Variants in PDZRN3 observed in about 807,000 individuals in gnomAD.
The protein encoded by PDZRN3 is E3 ubiquitin-protein ligase PDZRN3.
A neutral mutation model predicts 85.7 loss-of-function variants in PDZRN3; 38 were observed. The observed-to-expected ratio is 0.44, with a 90% confidence interval of 0.34 to 0.58. PDZRN3 has a LOEUF of 0.58. PDZRN3 is among the 20% of genes least tolerant of loss of function. The pLI, the probability that PDZRN3 is intolerant of heterozygous loss-of-function variation, is 0.01. For synonymous variants in PDZRN3, 759 were observed against 638.0 expected, an observed-to-expected ratio of 1.19 and a Z score of -2.86; for missense variants, 1,629 against 1,506.4, an observed-to-expected ratio of 1.08 and a Z score of -1.35.
At chr3:73,542,282 C>T (rs1022750174) in intron 3 of PDZRN3, among the ~76,000 whole-genome samples, 1 of 152,138 alleles carries the variant, frequency 6.6e-6, no homozygotes, top group Non-Finnish European at 1.5e-5. Flanking sequence ...GTAACCAGCA[C>T]CTGGGCAAGA....
intron 3 of PDZRN3, among the ~76,000 whole-genome samples, chr3:73,581,502 T>C (rs892861696): frequency 1.3e-5 from 2 of 152,228 alleles, no homozygotes; most frequent in African/African-American, 4.8e-5. Flanking sequence ...TTAAAAACTG[T>C]ATGAGTGTAT....
Position 73,431,881 on chromosome 3 carries a change from G to C in PDZRN3, c.919-27486C>G, listed in dbSNP as rs555779794. On this transcript the variant is annotated intron_variant, in intron 3 of 9. Transcript: ENST00000263666. ...GTGTGTTTGGGGGTGGGGCTGGGGGGACTGAGCACAAATGATACAGAAGAA... is the reference window on the plus strand; with the variant it reads ...GTGTGTTTGGGGGTGGGGCTGGGGGCACTGAGCACAAATGATACAGAAGAA... Among the ~76,000 whole-genome samples the C allele has an allele frequency of 8.5e-5, 13 of 152,052 alleles. No individual in the cohort carries two copies. In the South Asian group the frequency reaches 2.7e-3, roughly 32 times the overall value.
At position 73,468,407 on chromosome 3, in the gene PDZRN3, T is replaced by C. The variant is rs114097266; in HGVS notation, c.919-64012A>G. 2.6e-3 allele frequency among the ~76,000 whole-genome samples: 390 copies of C among 152,258 alleles called. 1 individual carries two copies. The highest frequency in any genetic ancestry group is 8.8e-3 in the African/African-American group (365 of 41,556). On this transcript the variant is annotated intron_variant, in intron 3 of 9. Coordinates refer to ENST00000263666, the MANE Select transcript of PDZRN3 (RefSeq NM_015009.3). ...AAATTTGTGTTGTTTTAAGCACCTT[T>C]TCCCCCCTCTCCATGCCCCAAATAC...
chr3:73,542,803 T>A (rs191678930), intron 3 of PDZRN3, among the ~76,000 whole-genome samples: 2 of 151,526 alleles, frequency 1.3e-5, no homozygotes, highest in Non-Finnish European at 2.9e-5. Flanking sequence ...AAAATAAAAA[T>A]AAAAAAGACT....
At chr3:73,616,694 A>C (rs1017328076) in intron 1 of PDZRN3, among the ~76,000 whole-genome samples, 3 of 152,222 alleles carry the variant, frequency 2.0e-5, no homozygotes, top group African/African-American at 7.2e-5. Context: ...ATTTGAAAAA[A>C]TGTTAAAATC....
chr3:73,449,661 G>A (rs940726454), intron 3 of PDZRN3, among the ~76,000 whole-genome samples: 1 of 152,152 alleles, frequency 6.6e-6, no homozygotes, highest in Admixed American at 6.5e-5. Flanking sequence ...ATATAATCAA[G>A]CTTTTAATTT....
At chr3:73,436,061 C>T (rs976323887) in intron 3 of PDZRN3, among the ~76,000 whole-genome samples, 6 of 152,168 alleles carry the variant, frequency 3.9e-5, no homozygotes, top group African/African-American at 1.4e-4. Flanking sequence ...CCTTCCAACC[C>T]CCATCCCCAT....
chr3:73,585,002 T>C (rs1017788504), intron 3 of PDZRN3, among the ~76,000 whole-genome samples: 1 of 152,216 alleles, frequency 6.6e-6, no homozygotes, highest in Non-Finnish European at 1.5e-5. Flanking sequence ...CAAAATAAAC[T>C]ATTTTAATGT....
chr3:73,398,933 TAGAA>T (rs1359740869), intron 5 of PDZRN3, among the ~76,000 whole-genome samples: 1 of 152,068 alleles, frequency 6.6e-6, no homozygotes, highest in East Asian at 1.9e-4. Flanking sequence ...TAAAGAGAAA[TAGAA>T]AGCACGTAAG....
rs571644993 is a variant in PDZRN3, at chr3:73,452,568, T to C, written c.919-48173A>G. ...ACAAGATGTATGGCCAAGTCAGTCC[T>C]GGCTGGGCCAGGCTTCCAGGATCAT... On this transcript the variant is annotated intron_variant, in intron 3 of 9. Coordinates refer to ENST00000263666, the MANE Select transcript of PDZRN3 (RefSeq NM_015009.3). Among the ~76,000 whole-genome samples the C allele has an allele frequency of 9.4e-4, 143 of 152,346 alleles. 1 individual carries two copies. The highest frequency in any genetic ancestry group is 2.9e-3 in the African/African-American group (120 of 41,584).
intron 3 of PDZRN3, among the ~76,000 whole-genome samples, chr3:73,405,502 C>T (rs13085430): frequency 0.59 from 89,007 of 151,956 alleles, 26,398 homozygotes; most frequent in East Asian, 0.84. Flanking sequence ...TAGTATTCCT[C>T]AAGTGGTTTG....
intron 3 of PDZRN3, among the ~76,000 whole-genome samples, chr3:73,419,460 T>C (rs1045653872): frequency 6.6e-6 from 1 of 152,196 alleles, no homozygotes; most frequent in African/African-American, 2.4e-5. Context: ...GAAATGAGCA[T>C]GCTGGAGGCA....
At position 73,542,777 on chromosome 3, in the gene PDZRN3, A is replaced by AAAAAT. The variant is rs1181640742; in HGVS notation, c.918+59572_918+59576dup. On this transcript the variant is annotated intron_variant, in intron 3 of 9. Coordinates refer to ENST00000263666, the MANE Select transcript of PDZRN3 (RefSeq NM_015009.3). The stretch of plus-strand genomic sequence containing the variant: ...CGACAAGTGGGAAACTCCATCTCAA[A>AAAAAT]AAAATAAAATAAAATAAAATAAAAA... 1.3e-4 allele frequency among the ~76,000 whole-genome samples: 20 copies of AAAAAT among 152,242 alleles called. No homozygotes were observed. In the East Asian group the frequency reaches 1.7e-3, roughly 13 times the overall value.
chr3:73,384,245 G>T lies in PDZRN3; in HGVS notation c.2321C>A (p.Ser774Tyr). 1.2e-6 allele frequency: 2 copies of T among 1,613,496 alleles called. No homozygotes were observed. Among genetic ancestry groups the T allele is most frequent in the Non-Finnish European group, 8.5e-7 (1 of 1,179,960 alleles). Residue 774 changes from serine (S) to tyrosine (Y), a missense_variant, in exon 10 of 10, where the codon TCC becomes TAC. By Grantham distance (144) the Ser-to-Tyr change is moderately radical. Coordinates refer to ENST00000263666, the MANE Select transcript of PDZRN3 (RefSeq NM_015009.3). ...CGCTCTCCTCAAGGAGTTGTCGGGG[G>T]AGATCTCCAGGGTGAGCGGGGTGCT... ...CRSTPLTLEI[S>Y]PDNSLRRAAE... is the part of the protein sequence containing the mutation.
intron 3 of PDZRN3, among the ~76,000 whole-genome samples, chr3:73,443,479 C>CTTTTTTTTTTT (rs768320565): frequency 1.2e-4 from 6 of 48,144 alleles, no homozygotes; most frequent in African/African-American, 3.1e-4. Context: ...TTTCCTTTTT[C>CTTTTTTTTTTT]TTTTTTTTTT....
In PDZRN3 at chr3:73,389,814, A is replaced by G. The variant is rs781490363; in HGVS notation, c.1416+2T>C. The G allele has an allele frequency of 7.4e-5, 119 of 1,609,582 alleles. No individual in the cohort carries two copies. Among genetic ancestry groups the G allele is most frequent in the Non-Finnish European group, 1.0e-4 (119 of 1,176,148 alleles). The stretch of plus-strand genomic sequence containing the variant: ...GAGGCCATTGTTTGGAAGTGGACTT[A>G]CCTGGATAATGCGGTCTCCTTCTCG... On this transcript the variant is annotated splice_donor_variant, in intron 7 of 9. Coordinates refer to ENST00000263666, the MANE Select transcript of PDZRN3 (RefSeq NM_015009.3). LOFTEE classifies it high-confidence loss of function.
At chr3:73,392,296 G>C (rs527905410) in intron 5 of PDZRN3, among the ~76,000 whole-genome samples, 1 of 152,358 alleles carries the variant, frequency 6.6e-6, no homozygotes, top group East Asian at 1.9e-4. Flanking sequence ...AGGCCAGCAT[G>C]AGTAGCTAAG....
At chr3:73,525,042 T>C (rs1312210951) in intron 3 of PDZRN3, among the ~76,000 whole-genome samples, 3 of 148,578 alleles carry the variant, frequency 2.0e-5, no homozygotes, top group South Asian at 2.1e-4. Flanking sequence ...AAATTATATA[T>C]ATTATCTATA....
intron 1 of PDZRN3, among the ~76,000 whole-genome samples, chr3:73,622,272 AGGGGCCAGGAAGG>A (rs1394851973): frequency 1.3e-5 from 2 of 152,176 alleles, no homozygotes; most frequent in Non-Finnish European, 2.9e-5. Flanking sequence ...CAGACAGGCC[AGGGGCCAGGAAGG>A]GGGGCCAGGT....
Sources: allele counts gnomAD v4.1 joint callset (sites outside exome capture counted in the v4.1 genomes callset), GRCh38; gene constraint gnomAD v4.1.1; transcripts MANE v1.5; gene names NCBI Gene and HGNC (gene_info 2026-07-23, HGNC 2026-07-21).